The following HAUS8 variants were observed in gnomAD, a reference collection of about 807,000 sequenced individuals.
The protein encoded by HAUS8 is HAUS augmin-like complex subunit 8.
In HAUS8, 38 loss-of-function variants were observed where a neutral mutation model predicts 42.9. The observed-to-expected ratio is 0.89, with a 90% CI of 0.68 to 1.16. The LOEUF is 1.16. Ranked by LOEUF, HAUS8 falls within the 50% of genes most tolerant of loss-of-function variation. The pLI is 0.00. For synonymous variants in HAUS8, 199 were observed against 205.8 expected, an observed-to-expected ratio of 0.97 and a Z score of 0.28; for missense variants, 494 against 511.6, an observed-to-expected ratio of 0.97 and a Z score of 0.33.
intron 9 of HAUS8, 142 bp downstream of exon 9, chr19:17,055,719 C>A: frequency 2.3e-6 from 2 of 884,952 alleles, no homozygotes; most frequent in African/African-American, 1.7e-5. Context: ...TTGGAGGAAC[C>A]ACAGCCTGGC....
Position 17,049,990 on chromosome 19 carries a change from C to G in HAUS8, c.1116G>C (p.Pro372=). ...KNTPLSEDDN[P]GASSAPAQAT... is the part of the protein sequence containing the mutation. ...CCTGAGCGGGGGCTGACGAGGCACC[C>G]GGGTTGTCGTCCTCAGACAGGGGCG... Residue 372 remains proline (P), a synonymous_variant, in exon 11 of 11, where the codon CCG becomes CCC. Coordinates refer to ENST00000253669, the MANE Select transcript of HAUS8 (RefSeq NM_033417.2). 6.2e-7 allele frequency: 1 copy of G among 1,601,872 alleles called. No homozygotes were observed. Among genetic ancestry groups the G allele is most frequent in the Non-Finnish European group, 8.5e-7 (1 of 1,174,614 alleles).
chr19:17,070,207 A>G (rs990542776), intron 2 of HAUS8, among the ~76,000 whole-genome samples: 2 of 151,060 alleles, frequency 1.3e-5, no homozygotes, highest in African/African-American at 2.4e-5. Context: ...CAGCTTGCAG[A>G]CACACCACCG....
At chr19:17,068,947 C>T in intron 3 of HAUS8, 84 bp downstream of exon 3, 1 of 1,259,576 alleles carries the variant, frequency 7.9e-7, no homozygotes, top group Non-Finnish European at 1.1e-6. Context: ...AGGTTGTGAC[C>T]ACCTCCCATG....
chr19:17,050,727 C>G (rs1004890543), intron 10 of HAUS8, among the ~76,000 whole-genome samples: 1 of 152,106 alleles, frequency 6.6e-6, no homozygotes, highest in African/African-American at 2.4e-5. Context: ...GAAAGCCCAT[C>G]TCTATTAAAA....
rs1568634826 is a variant in HAUS8 at position 17,055,138 on chromosome 19, AAAAAAATATATAT to A, written c.787+710_787+722del. On this transcript the variant is annotated intron_variant, in intron 9 of 10. Coordinates refer to ENST00000253669, the MANE Select transcript of HAUS8 (RefSeq NM_033417.2). ...AGAAAAAAAAAAAAAAAAAAAAAAAAAAAAAATATATATATATATATATATATATATATATATA... is the reference window on the plus strand; with the variant it reads ...AGAAAAAAAAAAAAAAAAAAAAAAAAATATATATATATATATATATATATA... 182 of 29,610 alleles carry A rather than the reference AAAAAAATATATAT, an allele frequency of 6.1e-3. 3 individuals carry two copies. The highest frequency in any genetic ancestry group is 9.3e-3 in the Non-Finnish European group (165 of 17,810). 1.8% of individuals were successfully genotyped at this position (29,610 alleles called of 1,614,324 possible). A position where few individuals can be genotyped will look rare whatever the true frequency, so the allele number is the denominator to read the frequency against.
At chr19:17,052,790 G>C (rs766270625) in intron 10 of HAUS8, 35 bp downstream of exon 10, 1 of 1,613,240 alleles carries the variant, frequency 6.2e-7, no homozygotes, top group Admixed American at 1.7e-5. Flanking sequence ...AGCAAACAGG[G>C]TGCCACCTCT....
chr19:17,058,978 T>C (rs777484421), intron 6 of HAUS8, 102 bp from the exon 7 acceptor site: 2 of 914,788 alleles, frequency 2.2e-6, no homozygotes, highest in Non-Finnish European at 3.3e-6. Context: ...ATTTTCTGTA[T>C]TCAGTTTGAT....
At position 17,053,324 on chromosome 19, in the gene HAUS8, C is replaced by T. The variant is rs1325927736; in HGVS notation, c.788-358G>A. 2.2e-5 allele frequency: 6 copies of T among 273,378 alleles called. No homozygotes were observed. The Admixed American group carries it at 2.4e-4, about 11-fold the overall frequency. The allele number at this position is 273,378 out of a possible 1,614,324, so 16.9% of individuals were successfully genotyped here. A position where few individuals can be genotyped will look rare whatever the true frequency, so the allele number is the denominator to read the frequency against. On this transcript the variant is annotated intron_variant, in intron 9 of 10. Transcript: ENST00000253669. Reference sequence around the variant, plus strand: ...AGCAACTGAAAAACAGTCCTTGTTGCCTGCACCACTGAGCAGAAGGATGCC... The same window carrying T: ...AGCAACTGAAAAACAGTCCTTGTTGTCTGCACCACTGAGCAGAAGGATGCC...
intron 9 of HAUS8, among the ~76,000 whole-genome samples, chr19:17,055,628 C>T (rs2057320958): frequency 6.6e-6 from 1 of 152,110 alleles, no homozygotes; most frequent in Admixed American, 6.6e-5. Context: ...CCGCAAAATG[C>T]CTTTCGGCAG....
chr19:17,065,811 G>A (rs1045956834), intron 3 of HAUS8, among the ~76,000 whole-genome samples: 7 of 138,778 alleles, frequency 5.0e-5, no homozygotes, highest in Non-Finnish European at 7.6e-5. Context: ...GCGACAGAGC[G>A]AGGCTCTATC....
Position 17,052,933 on chromosome 19 carries a change from C to G in HAUS8, c.821G>C (p.Arg274Pro), listed in dbSNP as rs781631367. The change falls in exon 10 of 11, where the codon CGC becomes CCC. Residue 274 changes from arginine to proline, a missense_variant. Transcript: ENST00000253669. ...ALQHELVTTQ[R>P]LLGELDVGDS... Reference sequence around the variant, plus strand: ...ACCAACATCAAGTTCTCCCAGGAGGCGCTGAGTGGTCACCAGTTCATGCTG... The same window carrying G: ...ACCAACATCAAGTTCTCCCAGGAGGGGCTGAGTGGTCACCAGTTCATGCTG... 3.1e-6 allele frequency: 5 copies of G among 1,614,206 alleles called. No homozygotes were observed. Among genetic ancestry groups the G allele is most frequent in the Non-Finnish European group, 4.2e-6 (5 of 1,180,034 alleles).
chr19:17,052,976 A>G lies in HAUS8; in HGVS notation c.788-10T>C, dbSNP rs1369452581. 6 of 1,613,812 alleles carry G rather than the reference A, an allele frequency of 3.7e-6. No homozygotes were observed. The African/African-American group carries it at 6.7e-5, about 18-fold the overall frequency. Reference sequence around the variant, plus strand: ...TCATGCTGCAGGGCGTCTGGAGGGGAAGAGGGATGGTGGGCGATGGATGGC... The same window carrying G: ...TCATGCTGCAGGGCGTCTGGAGGGGGAGAGGGATGGTGGGCGATGGATGGC... On this transcript the variant is annotated splice_polypyrimidine_tract_variant and intron_variant, in intron 9 of 10. Transcript: ENST00000253669.
Position 17,055,981 on chromosome 19 carries a change from C to T in HAUS8, c.667G>A (p.Glu223Lys), listed in dbSNP as rs368580615. 50 of 1,614,012 alleles carry T rather than the reference C, an allele frequency of 3.1e-5. No homozygotes were observed. In the East Asian group the frequency reaches 6.0e-4, roughly 19 times the overall value. The stretch of plus-strand genomic sequence containing the variant: ...TCCTTGAAGCGTGTGGCCACTGCCT[C>T]GAAGGGGCTGAGCATCTCGATCTGT... ...DAQIEMLSPF[E>K]AVATRFKEQY... is the part of the protein sequence containing the mutation. The change falls in exon 9 of 11, where the codon GAG becomes AAG. Residue 223 changes from glutamate (E) to lysine (K), a missense_variant. Coordinates refer to ENST00000253669, the MANE Select transcript of HAUS8 (RefSeq NM_033417.2).
intron 8 of HAUS8, among the ~76,000 whole-genome samples, chr19:17,056,762 T>G (rs1365309590): frequency 6.6e-6 from 1 of 152,084 alleles, no homozygotes; most frequent in East Asian, 1.9e-4. Context: ...GCTAATTTTT[T>G]GTATTTTTAG....
rs1228973765 is a variant in HAUS8, at chr19:17,053,117, A to C, written c.788-151T>G. On this transcript the variant is annotated intron_variant, in intron 9 of 10. Transcript: ENST00000253669. ...ACAGGGAAGAAGCAGAAGCCAAGGA[A>C]GACATTCGTCCCTTATCCATCCCGT... 3.6e-6 allele frequency: 3 copies of C among 822,068 alleles called. No homozygotes were observed. In the African/African-American group the frequency reaches 5.1e-5, roughly 14 times the overall value. The allele number at this position is 822,068 out of a possible 1,614,324, so 50.9% of individuals were successfully genotyped here. A position where few individuals can be genotyped will look rare whatever the true frequency, so the allele number is the denominator to read the frequency against.
chr19:17,075,010 T>C (rs2057459297), intron 1 of HAUS8: 2 of 271,096 alleles, frequency 7.4e-6, no homozygotes, highest in Non-Finnish European at 1.4e-5. Context: ...GTTCACTGCA[T>C]AACGATAATT....
rs934778876 is a variant in HAUS8 at position 17,066,128 on chromosome 19, T to A, written c.147+2903A>T. On this transcript the variant is annotated intron_variant, in intron 3 of 10. Transcript: ENST00000253669. ...TCACCACTACGCACAGCTATTTTTA[T>A]TTTTTTGTAGAGGTAGGGTCTTGCT... Among the ~76,000 whole-genome samples, 15 of 152,160 alleles carry A rather than the reference T, an allele frequency of 9.9e-5. No individual in the cohort carries two copies. In the East Asian group the frequency reaches 1.4e-3, roughly 14 times the overall value.
Position 17,075,425 on chromosome 19 carries a change from TC to T in HAUS8, c.-4del, listed in dbSNP as rs770662948. The T allele has an allele frequency of 9.3e-6, 15 of 1,613,562 alleles. 1 individual carries two copies. The South Asian group carries it at 1.5e-4, about 17-fold the overall frequency. Reference sequence around the variant, plus strand: ...CCTCGCCCCGAGGAATCCGCCATTTTCCCGCCTTCCACCTCAAGGCCCGACC... The same window carrying T: ...CCTCGCCCCGAGGAATCCGCCATTTTCCGCCTTCCACCTCAAGGCCCGACC... On this transcript the variant is annotated 5_prime_UTR_variant, in exon 1 of 11. Transcript: ENST00000253669.
chr19:17,075,018 A>G, intron 1 of HAUS8: 1 of 289,044 alleles, frequency 3.5e-6, no homozygotes, highest in Middle Eastern at 1.1e-3. Flanking sequence ...CATAACGATA[A>G]TTCCAAGAGC....
Sources: allele counts gnomAD v4.1 joint callset (sites outside exome capture counted in the v4.1 genomes callset), GRCh38; gene constraint gnomAD v4.1.1; transcripts MANE v1.5; gene names NCBI Gene and HGNC (gene_info 2026-07-23, HGNC 2026-07-21).